HCN2: variants seen among roughly 807,000 people sequenced by gnomAD.
HCN2 encodes the protein hyperpolarization activated cyclic nucleotide gated potassium and sodium channel 2, also known as potassium/sodium hyperpolarization-activated cyclic nucleotide-gated channel 2.
Under a neutral mutation model 52.3 loss-of-function variants are expected in HCN2, and 20 were observed. That is an observed-to-expected ratio of 0.38 (90% confidence interval 0.27 to 0.56). The LOEUF (loss-of-function observed/expected upper bound fraction) is 0.56. Among genes scored for constraint, HCN2 ranks in the 20% least tolerant of loss-of-function variants. The probability of loss-of-function intolerance (pLI) is 0.71; values close to 1 mark genes in which losing one functional copy is unlikely to be tolerated. For missense variants in HCN2, 981 were observed against 1,207.7 expected (o/e 0.81, Z 2.78); for synonymous variants, 694 against 537.0 (o/e 1.29, Z -4.04).
chr19:614,734 G>A (rs1983822386), intron 7 of HCN2, among the ~76,000 whole-genome samples: 1 of 152,130 alleles, frequency 6.6e-6, no homozygotes, highest in African/African-American at 2.4e-5. Context: ...GAGGGTTCTA[G>A]GTGGGCGGAG....
Position 591,827 on chromosome 19 carries a change from C to T in HCN2, c.632+1250C>T, listed in dbSNP as rs896588552. On this transcript the variant is annotated intron_variant, in intron 1 of 7. Coordinates refer to ENST00000251287, the MANE Select transcript of HCN2 (RefSeq NM_001194.4). The surrounding 1 kb of genome is among the most constrained non-coding windows in gnomAD (Gnocchi z 4.1). ...GGGGTTCTCTCTTCCCCTGGATTCT[C>T]TGCACCCCTAGTGCTTGACTGGAGA... Among the ~76,000 whole-genome samples, 2 of 152,186 alleles carry T rather than the reference C, an allele frequency of 1.3e-5. No homozygotes were observed. Among genetic ancestry groups the T allele is most frequent in the East Asian group, 1.9e-4 (1 of 5,188 alleles).
intron 4 of HCN2, 120 bp from the exon 5 acceptor site, chr19:610,139 C>T: frequency 8.1e-7 from 1 of 1,242,030 alleles, no homozygotes; most frequent in Non-Finnish European, 1.1e-6. Context: ...GCCCGTGTGC[C>T]CGCTGCAGGC....
chr19:610,372 C>G lies in HCN2; in HGVS notation c.1551C>G (p.Ser517Arg). The change falls in exon 5 of 8, where the codon AGC becomes AGG. Residue 517 changes from serine (S) to arginine (R), a missense_variant. Ser to Arg is a moderately radical substitution (Grantham distance 110). This residue lies in a region of HCN2 where 282 missense variants were observed against 553.8 expected (regional missense o/e 0.51). Coordinates refer to ENST00000251287, the MANE Select transcript of HCN2 (RefSeq NM_001194.4). The stretch of plus-strand genomic sequence containing the variant: ...AGGGCAAGATGTTTGACGAGGACAG[C>G]ATCCTGGGCGAGCTCAACGGGCCCC... The part of the protein sequence containing the change: ...RYQGKMFDED[S>R]ILGELNGPLR... 1 of 1,613,636 alleles carries G rather than the reference C, an allele frequency of 6.2e-7. No individual in the cohort carries two copies. The highest frequency in any genetic ancestry group is 8.5e-7 in the Non-Finnish European group (1 of 1,179,724).
rs1281303559 is a variant in HCN2 at position 589,945 on chromosome 19, C to T, written c.-1C>T. 20 of 939,910 alleles carry T rather than the reference C, an allele frequency of 2.1e-5. 1 individual carries two copies. The highest frequency in any genetic ancestry group is 1.4e-4 in the Admixed American group (2 of 14,774). 58.2% of individuals were successfully genotyped at this position (939,910 alleles called of 1,614,324 possible). On this transcript the variant is annotated 5_prime_UTR_variant, in exon 1 of 8. Coordinates refer to ENST00000251287, the MANE Select transcript of HCN2 (RefSeq NM_001194.4). ...TCCGCACTGCCCGGCGCCGCCTCGC[C>T]ATGGACGCGCGCGGGGGCGGCGGGC...
chr19:600,686 G>T (rs1600522261), intron 1 of HCN2, among the ~76,000 whole-genome samples: 1 of 151,966 alleles, frequency 6.6e-6, no homozygotes, highest in Non-Finnish European at 1.5e-5. Context: ...TCACCATATT[G>T]GCCAGGCTGG....
chr19:592,267 C>T lies in HCN2; in HGVS notation c.632+1690C>T, dbSNP rs905809891. Among the ~76,000 whole-genome samples the T allele has an allele frequency of 6.6e-6, 1 of 152,206 alleles. No homozygotes were observed. Among genetic ancestry groups the T allele is most frequent in the African/African-American group, 2.4e-5 (1 of 41,460 alleles). On this transcript the variant is annotated intron_variant, in intron 1 of 7. Coordinates refer to ENST00000251287, the MANE Select transcript of HCN2 (RefSeq NM_001194.4). The surrounding 1 kb of genome is among the most constrained non-coding windows in gnomAD (Gnocchi z 4.8). ...ATGACCTTCGACAGAGATGGGTGCACCGCAGCGTGGGGGCTGGCAGGTGGA... is the reference window on the plus strand; with the variant it reads ...ATGACCTTCGACAGAGATGGGTGCATCGCAGCGTGGGGGCTGGCAGGTGGA...
rs560228941 is a variant in HCN2 at position 610,244 on chromosome 19, G to A, written c.1438-15G>A. ...CGGGGGCGGTGTCTGACCCAGCCTC[G>A]CCTCCTCCCCACAGTACAAGCAGGT... On this transcript the variant is annotated splice_polypyrimidine_tract_variant and intron_variant, in intron 4 of 7. Coordinates refer to ENST00000251287, the MANE Select transcript of HCN2 (RefSeq NM_001194.4). 38 of 1,610,452 alleles carry A rather than the reference G, an allele frequency of 2.4e-5. No homozygotes were observed. The highest frequency in any genetic ancestry group is 2.2e-4 in the East Asian group (10 of 44,788).
chr19:613,662 C>T (rs549399563), intron 6 of HCN2, among the ~76,000 whole-genome samples, 174 bp downstream of exon 6: 3 of 13,174 alleles, frequency 2.3e-4, no homozygotes, highest in Admixed American at 7.3e-4. Context: ...GGGATGGGGC[C>T]GGGGATGGGG....
intron 1 of HCN2, among the ~76,000 whole-genome samples, chr19:600,766 C>T (rs764220378): frequency 1.4e-4 from 22 of 152,356 alleles, no homozygotes; most frequent in South Asian, 4.1e-4. Flanking sequence ...CAGGCGTGAG[C>T]CACCGCACCC....
chr19:616,547 G>C lies in HCN2; in HGVS notation c.*73G>C, dbSNP rs963672499. On this transcript the variant is annotated 3_prime_UTR_variant, in exon 8 of 8. Transcript: ENST00000251287. ...TCATCCAGACCAAAGCCATGCCATTGCGCTGCCCCGGCCGCCAGTCCGCCC... is the reference window on the plus strand; with the variant it reads ...TCATCCAGACCAAAGCCATGCCATTCCGCTGCCCCGGCCGCCAGTCCGCCC... 33 of 893,404 alleles carry C rather than the reference G, an allele frequency of 3.7e-5. No homozygotes were observed. Among genetic ancestry groups the C allele is most frequent in the Non-Finnish European group, 4.4e-5 (31 of 706,572 alleles). 55.3% of individuals were successfully genotyped at this position (893,404 alleles called of 1,614,324 possible).
intron 1 of HCN2, among the ~76,000 whole-genome samples, chr19:598,854 C>T (rs1205145555): frequency 5.9e-5 from 9 of 152,208 alleles, no homozygotes; most frequent in Non-Finnish European, 1.0e-4. Flanking sequence ...GTAATCTGCC[C>T]GCCTCAGCCT....
Position 599,920 on chromosome 19 carries a change from G to A in HCN2, c.633-3624G>A, listed in dbSNP as rs372533899. 2.9e-3 allele frequency among the ~76,000 whole-genome samples: 426 copies of A among 149,070 alleles called. 3 individuals carry two copies. The highest frequency in any genetic ancestry group is 0.01 in the African/African-American group (407 of 40,630). ...TGTCAGAGGGTCTCATGTTACCCAGGCTGGTCTTGAACTCCTGGGCTCAAG... is the reference window on the plus strand; with the variant it reads ...TGTCAGAGGGTCTCATGTTACCCAGACTGGTCTTGAACTCCTGGGCTCAAG... On this transcript the variant is annotated intron_variant, in intron 1 of 7. Coordinates refer to ENST00000251287, the MANE Select transcript of HCN2 (RefSeq NM_001194.4).
At chr19:604,373 C>T (rs1983328248) in intron 2 of HCN2, among the ~76,000 whole-genome samples, 1 of 142,786 alleles carries the variant, frequency 7.0e-6, no homozygotes, top group East Asian at 2.1e-4. Context: ...TACAATGGTG[C>T]AGTGGTAGAG....
intron 3 of HCN2, among the ~76,000 whole-genome samples, chr19:606,565 T>A (rs1475272766): frequency 2.0e-5 from 3 of 151,194 alleles, no homozygotes; most frequent in Non-Finnish European, 2.9e-5. Flanking sequence ...AAAGAAATAA[T>A]AAATGGGCCA....
intron 1 of HCN2, among the ~76,000 whole-genome samples, chr19:596,732 G>A (rs757809474): frequency 9.2e-5 from 14 of 152,296 alleles, no homozygotes; most frequent in South Asian, 2.1e-4. Context: ...GCTGCCGGAC[G>A]CGGCTGCACA....
rs1370942194 is a variant in HCN2 at position 613,595 on chromosome 19, A to C, written c.1825+107A>C. On this transcript the variant is annotated intron_variant, in intron 6 of 7. Transcript: ENST00000251287. ...GCCGGGGCCGGGGATGGGGATGGGG[A>C]TGGGGATGGGGCCGGGGATGGGGAT... 261 of 105,834 alleles carry C rather than the reference A, an allele frequency of 2.5e-3. 15 individuals carry two copies. In the African/African-American group the frequency reaches 0.031, roughly 13 times the overall value. 6.6% of individuals were successfully genotyped at this position (105,834 alleles called of 1,614,324 possible). A position where few individuals can be genotyped will look rare whatever the true frequency, so the allele number is the denominator to read the frequency against.
rs1384533439 is a variant in HCN2 at position 616,166 on chromosome 19, C to T, written c.2362C>T (p.Arg788Trp). The T allele has an allele frequency of 7.2e-6, 7 of 972,380 alleles. No homozygotes were observed. The highest frequency in any genetic ancestry group is 4.6e-5 in the South Asian group (1 of 21,854). 60.2% of individuals were successfully genotyped at this position (972,380 alleles called of 1,614,324 possible). A position where few individuals can be genotyped will look rare whatever the true frequency, so the allele number is the denominator to read the frequency against. The change falls in exon 8 of 8, where the codon CGG becomes TGG. Residue 788 changes from arginine (R) to tryptophan (W), a missense_variant. Physicochemically the swap from Arg to Trp is moderately radical, Grantham distance 101. Coordinates refer to ENST00000251287, the MANE Select transcript of HCN2 (RefSeq NM_001194.4). ...ASPPGAPASP[R>W]APRTSPYGGL... ...CCCCCCGGGCGCGCCCGCCAGCCCC[C>T]GGGCACCGCGGACCTCGCCCTACGG...
At chr19:600,093 G>C (rs1466748013) in intron 1 of HCN2, among the ~76,000 whole-genome samples, 1 of 152,164 alleles carries the variant, frequency 6.6e-6, no homozygotes, top group African/African-American at 2.4e-5. Context: ...GGCACACGCA[G>C]GCCATGTGGG....
intron 2 of HCN2, among the ~76,000 whole-genome samples, chr19:604,665 T>C (rs1600526509): frequency 4.6e-5 from 1 of 21,712 alleles, no homozygotes; most frequent in South Asian, 1.3e-3. Context: ...AGGGTTGTGC[T>C]GGGCGGGGTC....
Sources: allele counts gnomAD v4.1 joint callset (sites outside exome capture counted in the v4.1 genomes callset), GRCh38; gene constraint gnomAD v4.1.1; regional missense constraint gnomAD v4.1.1; non-coding constraint Gnocchi (gnomAD v3.1); transcripts MANE v1.5; gene names NCBI Gene and HGNC (gene_info 2026-07-23, HGNC 2026-07-21).